Variants in TCF7L1 observed in about 807,000 individuals in gnomAD.
TCF7L1 encodes the protein transcription factor 7-like 1.
In TCF7L1, 18 loss-of-function variants were observed where a neutral mutation model predicts 63.7. The observed-to-expected ratio is 0.28, with a 90% CI of 0.20 to 0.42. The LOEUF (loss-of-function observed/expected upper bound fraction) is 0.42. TCF7L1 is among the 10% of genes least tolerant of loss of function. The pLI is 1.00. For missense variants in TCF7L1, 654 were observed against 779.3 expected, an observed-to-expected ratio of 0.84 and a Z score of 1.91; for synonymous variants, 355 against 340.9, an observed-to-expected ratio of 1.04 and a Z score of -0.46.
chr2:85,228,254 T>C (rs56042310), intron 3 of TCF7L1, among the ~76,000 whole-genome samples: 4,353 of 152,068 alleles, frequency 0.029, 86 homozygotes, highest in Non-Finnish European at 0.042. Context: ...ACCCAGTCTC[T>C]ACAAATAATT....
intron 5 of TCF7L1, 27 bp downstream of exon 5, chr2:85,302,643 C>T: frequency 6.9e-7 from 1 of 1,443,094 alleles, no homozygotes; most frequent in Non-Finnish European, 9.3e-7. Context: ...TCAGGCAGTG[C>T]TGCTGCAGGG....
intron 3 of TCF7L1, among the ~76,000 whole-genome samples, chr2:85,180,377 T>C: frequency 6.6e-6 from 1 of 151,974 alleles, no homozygotes; most frequent in East Asian, 1.9e-4. Flanking sequence ...CCCAAAGTGC[T>C]CTTTTTGTTG....
intron 3 of TCF7L1, among the ~76,000 whole-genome samples, chr2:85,245,565 C>T (rs1680442524): frequency 6.6e-6 from 1 of 152,138 alleles, no homozygotes; most frequent in Non-Finnish European, 1.5e-5. Flanking sequence ...GTAATCCCAG[C>T]ACTTTGGGAG....
chr2:85,196,912 G>C, intron 3 of TCF7L1, among the ~76,000 whole-genome samples: 1 of 152,088 alleles, frequency 6.6e-6, no homozygotes, highest in East Asian at 1.9e-4. Flanking sequence ...TTGCCTGGAT[G>C]GGGAGGAGGA....
chr2:85,266,600 G>C lies in TCF7L1; in HGVS notation c.442-16895G>C, dbSNP rs984623376. 7.2e-5 allele frequency among the ~76,000 whole-genome samples: 11 copies of C among 152,324 alleles called. No individual in the cohort carries two copies. The East Asian group carries it at 1.7e-3, about 24-fold the overall frequency. The stretch of plus-strand genomic sequence containing the variant: ...GCAGGTATCCTTGTCCAGGGCCTTT[G>C]TTTCCCGCTGGTCATTGGTCCAGCA... On this transcript the variant is annotated intron_variant, in intron 3 of 11. Coordinates refer to ENST00000282111, the MANE Select transcript of TCF7L1 (RefSeq NM_031283.3).
At chr2:85,148,217 G>T (rs1191398345) in intron 3 of TCF7L1, among the ~76,000 whole-genome samples, 1 of 152,176 alleles carries the variant, frequency 6.6e-6, no homozygotes, top group Admixed American at 6.5e-5. Context: ...GCAGGAAGGG[G>T]CTGGGATGGG....
chr2:85,271,803 G>A (rs1237139834), intron 3 of TCF7L1, among the ~76,000 whole-genome samples: 1 of 152,212 alleles, frequency 6.6e-6, no homozygotes, highest in South Asian at 2.1e-4. Flanking sequence ...AGTCCTGTAA[G>A]AATGAGTAGC....
Position 85,241,675 on chromosome 2 carries a change from C to T in TCF7L1, c.442-41820C>T, listed in dbSNP as rs527478925. Reference sequence around the variant, plus strand: ...GGTCAGGTTGGTCTCGAACTCCTGACCTCAGGTGATCTGCCCACCTTGGCC... The same window carrying T: ...GGTCAGGTTGGTCTCGAACTCCTGATCTCAGGTGATCTGCCCACCTTGGCC... On this transcript the variant is annotated intron_variant, in intron 3 of 11. Transcript: ENST00000282111. Among the ~76,000 whole-genome samples, 7 of 152,058 alleles carry T rather than the reference C, an allele frequency of 4.6e-5. No homozygotes were observed. The South Asian group carries it at 1.5e-3, about 32-fold the overall frequency.
chr2:85,308,456 C>CCT (rs112523821), intron 11 of TCF7L1, among the ~76,000 whole-genome samples: 2 of 85,904 alleles, frequency 2.3e-5, no homozygotes, highest in African/African-American at 1.2e-4. Context: ...TCTTTCCCTC[C>CCT]CTCTCTTTCC....
chr2:85,162,488 T>C (rs539856276), intron 3 of TCF7L1, among the ~76,000 whole-genome samples: 2 of 152,278 alleles, frequency 1.3e-5, no homozygotes, highest in South Asian at 4.1e-4. Flanking sequence ...CCAGCTTCAC[T>C]CGAGCAGTGG....
intron 3 of TCF7L1, among the ~76,000 whole-genome samples, chr2:85,160,610 C>T (rs1023006123): frequency 6.6e-6 from 1 of 152,040 alleles, no homozygotes; most frequent in African/African-American, 2.4e-5. Flanking sequence ...CTAGCACTTT[C>T]GGAGGCCGAG....
chr2:85,298,564 A>G (rs1681889669), intron 4 of TCF7L1, among the ~76,000 whole-genome samples: 1 of 151,520 alleles, frequency 6.6e-6, no homozygotes, highest in Admixed American at 6.6e-5. Flanking sequence ...TTTGTCTTGT[A>G]CCAACTCTAG....
At chr2:85,274,513 C>A (rs909402971) in intron 3 of TCF7L1, among the ~76,000 whole-genome samples, 1 of 152,150 alleles carries the variant, frequency 6.6e-6, no homozygotes, top group African/African-American at 2.4e-5. Context: ...TGTGTCTCAG[C>A]TTTCCAGCCA....
At chr2:85,195,058 T>C (rs1224726246) in intron 3 of TCF7L1, among the ~76,000 whole-genome samples, 1 of 152,228 alleles carries the variant, frequency 6.6e-6, no homozygotes, top group Non-Finnish European at 1.5e-5. Flanking sequence ...ATTTGCCCTA[T>C]GGCGTAGTGG....
intron 4 of TCF7L1, among the ~76,000 whole-genome samples, chr2:85,300,557 G>A (rs1300777331): frequency 6.6e-6 from 1 of 152,036 alleles, no homozygotes; most frequent in Admixed American, 6.6e-5. Flanking sequence ...TTAATTCTCC[G>A]CCTCTCCTCT....
At chr2:85,155,374 G>C (rs999311223) in intron 3 of TCF7L1, among the ~76,000 whole-genome samples, 1 of 152,134 alleles carries the variant, frequency 6.6e-6, no homozygotes, top group Admixed American at 6.6e-5. Flanking sequence ...TTGTTCTTTC[G>C]GTCTTCACAA....
intron 3 of TCF7L1, among the ~76,000 whole-genome samples, chr2:85,280,402 G>A (rs1272289069): frequency 6.6e-6 from 1 of 152,078 alleles, no homozygotes; most frequent in East Asian, 1.9e-4. Context: ...CAATCTATAA[G>A]GTCACTTGAG....
At chr2:85,218,921 T>C (rs1456353693) in intron 3 of TCF7L1, among the ~76,000 whole-genome samples, 1 of 152,120 alleles carries the variant, frequency 6.6e-6, no homozygotes, top group African/African-American at 2.4e-5. Context: ...CCCAATACTT[T>C]GGGATGCTGA....
intron 3 of TCF7L1, among the ~76,000 whole-genome samples, chr2:85,174,169 C>T (rs757518713): frequency 6.6e-6 from 1 of 152,158 alleles, no homozygotes; most frequent in African/African-American, 2.4e-5. Flanking sequence ...TCTCCCCCAA[C>T]CTTTGGCAGC....
Sources: allele counts gnomAD v4.1 joint callset (sites outside exome capture counted in the v4.1 genomes callset), GRCh38; gene constraint gnomAD v4.1.1; transcripts MANE v1.5; gene names NCBI Gene and HGNC (gene_info 2026-07-23, HGNC 2026-07-21).